The following CAMKMT variants were observed in gnomAD, a reference collection of about 807,000 sequenced individuals.
The protein encoded by CAMKMT is CaM KMT.
Under a neutral mutation model 48.0 loss-of-function variants are expected in CAMKMT, and 53 were observed. That is an observed-to-expected ratio of 1.10 (90% CI 0.89 to 1.39). The LOEUF (loss-of-function observed/expected upper bound fraction) is 1.39, where lower values mean the gene tolerates loss of function less well. CAMKMT is among the 40% of genes most tolerant of loss of function. The probability of loss-of-function intolerance (pLI) is 0.00; values close to 1 mark genes in which losing one functional copy is unlikely to be tolerated. For missense variants in CAMKMT, 428 were observed against 402.7 expected (o/e 1.06, Z -0.54); for synonymous variants, 165 against 152.3 (o/e 1.08, Z -0.61).
chr2:44,541,936 T>C (rs1667130151), intron 3 of CAMKMT, among the ~76,000 whole-genome samples: 1 of 151,956 alleles, frequency 6.6e-6, no homozygotes, highest in Non-Finnish European at 1.5e-5. Flanking sequence ...TGAGACCAAC[T>C]TGACCAACAT....
At chr2:44,762,701 A>G (rs1176160500) in intron 9 of CAMKMT, among the ~76,000 whole-genome samples, 1 of 152,352 alleles carries the variant, frequency 6.6e-6, no homozygotes, top group East Asian at 1.9e-4. Flanking sequence ...AATTTTTTCC[A>G]GAAGTACACT....
intron 3 of CAMKMT, among the ~76,000 whole-genome samples, chr2:44,503,354 G>A (rs1670098585): frequency 2.0e-5 from 3 of 152,056 alleles, no homozygotes; most frequent in Admixed American, 2.0e-4. Context: ...ATAAGAGATT[G>A]CTCTGTCCTA....
chr2:44,627,759 G>C (rs181884767), intron 3 of CAMKMT, among the ~76,000 whole-genome samples: 71 of 128,494 alleles, frequency 5.5e-4, no homozygotes, highest in South Asian at 1.3e-3. Context: ...ACCTAGGCTG[G>C]AGTGCAGTGG....
intron 3 of CAMKMT, among the ~76,000 whole-genome samples, chr2:44,406,242 G>A (rs958530276): frequency 6.6e-6 from 1 of 151,752 alleles, no homozygotes; most frequent in Non-Finnish European, 1.5e-5. Flanking sequence ...TGCTCCAAAA[G>A]TTCCTAACCA....
intron 9 of CAMKMT, among the ~76,000 whole-genome samples, chr2:44,758,739 A>G (rs903979766): frequency 3.9e-5 from 6 of 152,204 alleles, no homozygotes; most frequent in Non-Finnish European, 7.3e-5. Context: ...GTATTCCTTA[A>G]AAGTCCATGA....
At chr2:44,416,379 G>T (rs998229786) in intron 3 of CAMKMT, among the ~76,000 whole-genome samples, 1 of 151,994 alleles carries the variant, frequency 6.6e-6, no homozygotes, top group Non-Finnish European at 1.5e-5. Flanking sequence ...ATACATTCAT[G>T]TAACCTATGG....
At chr2:44,625,591 A>G (rs565038804) in intron 3 of CAMKMT, among the ~76,000 whole-genome samples, 7 of 152,078 alleles carry the variant, frequency 4.6e-5, no homozygotes, top group Non-Finnish European at 8.8e-5. Context: ...GCTCACACAA[A>G]CATCATGAAG....
intron 9 of CAMKMT, among the ~76,000 whole-genome samples, chr2:44,756,852 G>GTGCACTTCCAGCAAATGCAAACAC (rs1558838101): frequency 3.9e-5 from 6 of 152,114 alleles, no homozygotes; most frequent in Non-Finnish European, 5.9e-5. Context: ...CAAGTTCTCC[G>GTGCACTTCCAGCAAATGCAAACAC]TGCACTTCCA....
At chr2:44,633,845 A>T (rs527280396) in intron 3 of CAMKMT, among the ~76,000 whole-genome samples, 1 of 152,130 alleles carries the variant, frequency 6.6e-6, no homozygotes, top group South Asian at 2.1e-4. Context: ...TACATTGTTG[A>T]GGGTCTGAAT....
intron 3 of CAMKMT, among the ~76,000 whole-genome samples, chr2:44,576,009 A>G (rs1669196777): frequency 6.6e-6 from 1 of 151,938 alleles, no homozygotes; most frequent in South Asian, 2.1e-4. Flanking sequence ...GTCTCAGAGA[A>G]GTTGAGAAAA....
chr2:44,738,264 A>T (rs553019603), intron 7 of CAMKMT, among the ~76,000 whole-genome samples: 1 of 152,118 alleles, frequency 6.6e-6, no homozygotes, highest in African/African-American at 2.4e-5. Flanking sequence ...GGCTCATTTC[A>T]TTTATTTCTG....
intron 3 of CAMKMT, among the ~76,000 whole-genome samples, chr2:44,690,309 C>T (rs558787130): frequency 3.9e-5 from 6 of 152,272 alleles, no homozygotes; most frequent in Non-Finnish European, 7.4e-5. Context: ...GAAATCAATT[C>T]AACTCTTCCA....
chr2:44,478,702 C>CTTT (rs11323347), intron 3 of CAMKMT, among the ~76,000 whole-genome samples: 1 of 106,418 alleles, frequency 9.4e-6, no homozygotes, highest in African/African-American at 3.3e-5. Context: ...TCTTTTCTTC[C>CTTT]TTTTTTTTTT....
At chr2:44,432,450 A>G (rs1296150339) in intron 3 of CAMKMT, among the ~76,000 whole-genome samples, 1 of 152,206 alleles carries the variant, frequency 6.6e-6, no homozygotes, top group Non-Finnish European at 1.5e-5. Flanking sequence ...CTGAAAAGCA[A>G]TGCCCCTGGG....
At chr2:44,576,327 TAAA>T (rs569571059) in intron 3 of CAMKMT, among the ~76,000 whole-genome samples, 2 of 76,690 alleles carry the variant, frequency 2.6e-5, no homozygotes, top group Non-Finnish European at 5.6e-5. Context: ...AAACTCTGTC[TAAA>T]AAAAAAAAAA....
At chr2:44,525,516 A>T in intron 3 of CAMKMT, among the ~76,000 whole-genome samples, 1 of 152,162 alleles carries the variant, frequency 6.6e-6, no homozygotes. Flanking sequence ...GGCCTCCCAA[A>T]GTGCTGGGAT....
intron 9 of CAMKMT, among the ~76,000 whole-genome samples, chr2:44,763,170 CCTAA>C (rs768405327): frequency 8.5e-5 from 13 of 152,060 alleles, no homozygotes; most frequent in Non-Finnish European, 1.5e-4. Flanking sequence ...TCTTTTCCAT[CCTAA>C]CTATTAATCC....
intron 3 of CAMKMT, among the ~76,000 whole-genome samples, chr2:44,651,011 G>T (rs1674030961): frequency 6.6e-6 from 1 of 152,172 alleles, no homozygotes; most frequent in Admixed American, 6.5e-5. Context: ...CAAGCATATG[G>T]GAAAATGTTC....
intron 3 of CAMKMT, among the ~76,000 whole-genome samples, chr2:44,609,624 A>G (rs1351887424): frequency 6.6e-6 from 1 of 152,246 alleles, no homozygotes; most frequent in Non-Finnish European, 1.5e-5. Flanking sequence ...ATTCTTCATT[A>G]CTAAGTGCTT....
Sources: gnomAD v4.1 joint callset for allele counts (sites outside exome capture counted in the v4.1 genomes callset) on GRCh38, gnomAD v4.1.1 for gene constraint, MANE v1.5 for transcripts, NCBI Gene and HGNC (gene_info 2026-07-23, HGNC 2026-07-21) for gene names.